The following PEBP4 variants were observed in gnomAD, a reference collection of about 807,000 sequenced individuals.
PEBP4 encodes the protein phosphatidylethanolamine binding protein 4.
In PEBP4, 22 loss-of-function variants were observed where a neutral mutation model predicts 23.9. The observed-to-expected ratio is 0.92, with a 90% confidence interval of 0.66 to 1.31. The LOEUF (loss-of-function observed/expected upper bound fraction) is 1.31, where lower values mean the gene tolerates loss of function less well. Ranked by LOEUF, PEBP4 falls within the 40% of genes most tolerant of loss-of-function variation. PEBP4 has a pLI of 0.00. For missense variants in PEBP4, 324 were observed against 281.7 expected (o/e 1.15, Z -1.07); for synonymous variants, 112 against 99.3 (o/e 1.13, Z -0.76).
At chr8:22,776,436 C>G (rs1014534399) in intron 4 of PEBP4, among the ~76,000 whole-genome samples, 1 of 151,886 alleles carries the variant, frequency 6.6e-6, no homozygotes, top group Non-Finnish European at 1.5e-5. Context: ...CATGTGAGTA[C>G]CTTTGAACCT....
intron 4 of PEBP4, among the ~76,000 whole-genome samples, chr8:22,776,152 T>G (rs1354427729): frequency 6.6e-6 from 1 of 152,134 alleles, no homozygotes; most frequent in African/African-American, 2.4e-5. Context: ...AGCGGTTTCT[T>G]TGAAGAACAG....
intron 3 of PEBP4, among the ~76,000 whole-genome samples, chr8:22,836,403 G>A (rs1482426858): frequency 6.6e-6 from 1 of 152,226 alleles, no homozygotes; most frequent in African/African-American, 2.4e-5. Flanking sequence ...TTGTTTGTGT[G>A]TTGCAAATTC....
chr8:22,812,918 A>T (rs375237388), intron 4 of PEBP4, among the ~76,000 whole-genome samples: 1 of 152,136 alleles, frequency 6.6e-6, no homozygotes, highest in South Asian at 2.1e-4. Context: ...CACCCTGAAG[A>T]GTGAGGATTT....
In PEBP4 at chr8:22,867,887, C is replaced by G. The variant is rs547120801; in HGVS notation, c.259-50152G>C. 3.9e-5 allele frequency among the ~76,000 whole-genome samples: 6 copies of G among 152,326 alleles called. No homozygotes were observed. In the East Asian group the frequency reaches 1.2e-3, roughly 29 times the overall value. ...ACATCTGGCATGTTAACCCTGGGAC[C>G]TGGGTTACCAATATTAGAGATTTGG... On this transcript the variant is annotated intron_variant, in intron 3 of 6. Transcript: ENST00000256404.
intron 4 of PEBP4, among the ~76,000 whole-genome samples, chr8:22,772,574 C>T (rs189833013): frequency 4.8e-5 from 7 of 144,512 alleles, no homozygotes; most frequent in African/African-American, 7.7e-5. Context: ...TAGCTCATTG[C>T]GGCATCCAAC....
intron 4 of PEBP4, among the ~76,000 whole-genome samples, chr8:22,797,650 G>C (rs1563219424): frequency 6.6e-6 from 1 of 152,228 alleles, no homozygotes; most frequent in Admixed American, 6.5e-5. Context: ...TGGTCAGTTG[G>C]TGGAGGAGGC....
upstream of PEBP4, among the ~76,000 whole-genome samples, chr8:22,932,635 G>T (rs1274875647): frequency 6.6e-6 from 1 of 152,034 alleles, no homozygotes; most frequent in Non-Finnish European, 1.5e-5. Context: ...CCTAATCAAG[G>T]AAAGCCTCCT....
intron 3 of PEBP4, among the ~76,000 whole-genome samples, chr8:22,827,211 A>T (rs1304023055): frequency 6.6e-6 from 1 of 152,224 alleles, no homozygotes; most frequent in African/African-American, 2.4e-5. Context: ...TGTCCAGATA[A>T]AGTTTTAAAA....
chr8:22,897,676 T>C (rs1439226183), intron 3 of PEBP4: 2 of 152,134 alleles, frequency 1.3e-5, no homozygotes, highest in Non-Finnish European at 2.9e-5. Context: ...ATCAAACTCA[T>C]TAAAAAAATG....
At chr8:22,939,685 G>A (rs554572088) in intron 1 of PEBP4, among the ~76,000 whole-genome samples, 1 of 151,828 alleles carries the variant, frequency 6.6e-6, no homozygotes, top group East Asian at 2.0e-4. Context: ...CAATGATGGG[G>A]CTGGCAAAGA....
chr8:22,777,693 T>C (rs1805840733), intron 4 of PEBP4, among the ~76,000 whole-genome samples: 1 of 152,092 alleles, frequency 6.6e-6, no homozygotes. Flanking sequence ...GGAAATGTTA[T>C]GAATGGCAGA....
Position 22,865,230 on chromosome 8 carries a change from AG to A in PEBP4, c.259-47496del, listed in dbSNP as rs1807862267. On this transcript the variant is annotated intron_variant, in intron 3 of 6. Coordinates refer to ENST00000256404, the MANE Select transcript of PEBP4 (RefSeq NM_144962.3). This position sits in a 1 kb window ranked among gnomAD's most constrained non-coding sequence, Gnocchi z 6.9. Reference sequence around the variant, plus strand: ...CTGAAACAGCCTGGGGGGCGGCGGGAGGGGGAGGGAAGGTGTTTTTGCGAAA... The same window carrying A: ...CTGAAACAGCCTGGGGGGCGGCGGGAGGGGAGGGAAGGTGTTTTTGCGAAA... Among the ~76,000 whole-genome samples the A allele has an allele frequency of 7.9e-6, 1 of 126,750 alleles. No individual in the cohort carries two copies. Among genetic ancestry groups the A allele is most frequent in the Non-Finnish European group, 1.7e-5 (1 of 59,720 alleles). The allele number at this position is 126,750 out of a possible 152,430, so 83.2% of individuals were successfully genotyped here.
rs2128769370 is a variant in PEBP4 at position 22,865,134 on chromosome 8, G to A, written c.259-47399C>T. 6.6e-6 allele frequency among the ~76,000 whole-genome samples: 1 copy of A among 152,218 alleles called. No homozygotes were observed. On this transcript the variant is annotated intron_variant, in intron 3 of 6. Coordinates refer to ENST00000256404, the MANE Select transcript of PEBP4 (RefSeq NM_144962.3). This position sits in a 1 kb window ranked among gnomAD's most constrained non-coding sequence, Gnocchi z 6.9. ...AGACAGAAGGGCTGGGGCGGCCCGG[G>A]GAAGAACCAGTGCTGGACGGGGCTA...
intron 4 of PEBP4, among the ~76,000 whole-genome samples, chr8:22,770,817 C>A (rs145541816): frequency 6.6e-6 from 1 of 152,156 alleles, no homozygotes; most frequent in Non-Finnish European, 1.5e-5. Context: ...TCCACGCATC[C>A]GCTCAACATG....
At chr8:22,847,684 A>G (rs989551619) in intron 3 of PEBP4, among the ~76,000 whole-genome samples, 4 of 152,170 alleles carry the variant, frequency 2.6e-5, no homozygotes, top group African/African-American at 9.7e-5. Flanking sequence ...GGTAAACCCT[A>G]GCCCCTGTCC....
At chr8:22,819,589 G>A (rs1186120183) in intron 3 of PEBP4, among the ~76,000 whole-genome samples, 1 of 151,924 alleles carries the variant, frequency 6.6e-6, no homozygotes, top group Non-Finnish European at 1.5e-5. Context: ...GAAGAGTCAA[G>A]ATTGTTTTTG....
At chr8:22,847,612 G>T (rs1807464155) in intron 3 of PEBP4, among the ~76,000 whole-genome samples, 1 of 152,128 alleles carries the variant, frequency 6.6e-6, no homozygotes, top group Non-Finnish European at 1.5e-5. Flanking sequence ...AAGCAGCCTG[G>T]GTTTCATGAG....
At chr8:22,799,769 G>A (rs1348524123) in intron 4 of PEBP4, among the ~76,000 whole-genome samples, 1 of 151,914 alleles carries the variant, frequency 6.6e-6, no homozygotes, top group Non-Finnish European at 1.5e-5. Context: ...TGTTCTCATT[G>A]TTCAATTCCC....
In PEBP4 at chr8:22,723,836, C is replaced by T. The variant is rs75629828; in HGVS notation, c.517+1007G>A. ...GCCCTGCTCGGCACATCTGAAGGGC[C>T]CTGTCGCTCAACCTGTGCCTTTCTG... On this transcript the variant is annotated intron_variant, in intron 6 of 6. Coordinates refer to ENST00000256404, the MANE Select transcript of PEBP4 (RefSeq NM_144962.3). Among the ~76,000 whole-genome samples, 86 of 152,256 alleles carry T rather than the reference C, an allele frequency of 5.6e-4. 1 individual carries two copies. Among genetic ancestry groups the T allele is most frequent in the Non-Finnish European group, 9.6e-4 (65 of 68,024 alleles).
Sources: allele counts gnomAD v4.1 joint callset (sites outside exome capture counted in the v4.1 genomes callset), GRCh38; gene constraint gnomAD v4.1.1; non-coding constraint Gnocchi (gnomAD v3.1); transcripts MANE v1.5; gene names NCBI Gene and HGNC (gene_info 2026-07-23, HGNC 2026-07-21).